SLAMF8: variants seen among roughly 807,000 people sequenced by gnomAD.
SLAMF8 encodes the protein SLAM family member 8.
In SLAMF8, 23 loss-of-function variants were observed where a neutral mutation model predicts 29.0. That is an observed-to-expected ratio of 0.79 (90% confidence interval 0.57 to 1.13). SLAMF8 has a LOEUF of 1.13. Among genes scored for constraint, SLAMF8 ranks in the 50% most tolerant of loss-of-function variants. The pLI, the probability that SLAMF8 is intolerant of heterozygous loss-of-function variation, is 0.00. For synonymous variants in SLAMF8, 139 were observed against 145.6 expected (o/e 0.96, Z 0.32); for missense variants, 381 against 353.1 (o/e 1.08, Z -0.63).
intron 2 of SLAMF8, among the ~76,000 whole-genome samples, chr1:159,830,783 AG>A (rs1316564041): frequency 6.6e-6 from 1 of 152,244 alleles, no homozygotes; most frequent in Non-Finnish European, 1.5e-5. Context: ...ATTTCTTAAA[AG>A]GGCTTCTTAG....
Position 159,835,503 on chromosome 1 carries a change from T to A in SLAMF8, c.*243T>A, listed in dbSNP as rs1377552596. ...TATCCTGGCTCTTCTCTGGGCAAGA[T>A]GAGCCAAGCAGAACATTCCATCCAG... On this transcript the variant is annotated 3_prime_UTR_variant, in exon 5 of 5. Transcript: ENST00000289707. 2 of 1,288,164 alleles carry A rather than the reference T, an allele frequency of 1.6e-6. No homozygotes were observed. The highest frequency in any genetic ancestry group is 2.0e-6 in the Non-Finnish European group (2 of 1,017,756). The allele number at this position is 1,288,164 out of a possible 1,614,324, so 79.8% of individuals were successfully genotyped here.
Position 159,836,110 on chromosome 1 carries a change from C to T in SLAMF8, c.*850C>T. The T allele has an allele frequency of 1.0e-6, 1 of 985,470 alleles. No individual in the cohort carries two copies. Among genetic ancestry groups the T allele is most frequent in the Non-Finnish European group, 1.2e-6 (1 of 829,950 alleles). The allele number at this position is 985,470 out of a possible 1,614,324, so 61.0% of individuals were successfully genotyped here. Reference sequence around the variant, plus strand: ...CAGCCAACAGGACGTTCTTGCACAACTTCAAGAAAAGCAGCTCAGCTCAGG... The same window carrying T: ...CAGCCAACAGGACGTTCTTGCACAATTTCAAGAAAAGCAGCTCAGCTCAGG... On this transcript the variant is annotated 3_prime_UTR_variant, in exon 5 of 5. Transcript: ENST00000289707.
Position 159,833,385 on chromosome 1 carries a change from G to C in SLAMF8, c.781+16G>C. On this transcript the variant is annotated intron_variant, in intron 4 of 4. Transcript: ENST00000289707. ...CCCTGCTCAGGTAGGAGTCCTGCAG[G>C]TGCAGGAGGTAGGTGGAGGAAGTGG... 6.2e-7 allele frequency: 1 copy of C among 1,613,902 alleles called. No individual in the cohort carries two copies. The highest frequency in any genetic ancestry group is 8.5e-7 in the Non-Finnish European group (1 of 1,179,920).
chr1:159,828,544 G>A (rs1482971956), intron 1 of SLAMF8, among the ~76,000 whole-genome samples: 1 of 152,128 alleles, frequency 6.6e-6, no homozygotes, highest in Non-Finnish European at 1.5e-5. Context: ...TCCTCAGCAG[G>A]GTAGGTCATT....
chr1:159,835,296 C>A lies in SLAMF8; in HGVS notation c.*36C>A, dbSNP rs149303739. On this transcript the variant is annotated 3_prime_UTR_variant, in exon 5 of 5. Coordinates refer to ENST00000289707, the MANE Select transcript of SLAMF8 (RefSeq NM_020125.3). ...GAACTGATGCCTGGACTATCAGTAA[C>A]CCCACTGCACAGGCACACGATGCTC... The A allele has an allele frequency of 3.1e-6, 5 of 1,603,132 alleles. No homozygotes were observed. The highest frequency in any genetic ancestry group is 3.4e-6 in the Non-Finnish European group (4 of 1,176,550).
chr1:159,835,542 C>T lies in SLAMF8; in HGVS notation c.*282C>T, dbSNP rs1411485903. On this transcript the variant is annotated 3_prime_UTR_variant, in exon 5 of 5. Coordinates refer to ENST00000289707, the MANE Select transcript of SLAMF8 (RefSeq NM_020125.3). ...CATTCCATCCAGGACACTGGAAGTT[C>T]TCCAGGATCCAGATCCATGGGGACA... 24 of 1,191,050 alleles carry T rather than the reference C, an allele frequency of 2.0e-5. No homozygotes were observed. Among genetic ancestry groups the T allele is most frequent in the Non-Finnish European group, 2.5e-5 (24 of 959,550 alleles). The allele number at this position is 1,191,050 out of a possible 1,614,324, so 73.8% of individuals were successfully genotyped here. A position where few individuals can be genotyped will look rare whatever the true frequency, so the allele number is the denominator to read the frequency against.
intron 1 of SLAMF8, 131 bp downstream of exon 1, chr1:159,827,069 C>T: frequency 9.4e-7 from 1 of 1,060,210 alleles, no homozygotes; most frequent in Non-Finnish European, 1.4e-6. Context: ...GTAGGAAAGA[C>T]TAGAACAAGC....
In SLAMF8 at chr1:159,829,902, T is replaced by C; in HGVS notation, c.77T>C (p.Leu26Pro). The change falls in exon 2 of 5, where the codon CTG (leucine) becomes CCG (proline). Residue 26 changes from leucine to proline, a missense_variant. Transcript: ENST00000289707. ...ATTACAGTTACTGGTGCCCAAGTGC[T>C]GAGCAAAGTCGGGGGCTCGGTGCTG... is the stretch of plus-strand genomic sequence containing the variant. ...LPITVTGAQV[L>P]SKVGGSVLLV... 6.2e-7 allele frequency: 1 copy of C among 1,613,848 alleles called. No homozygotes were observed. Among genetic ancestry groups the C allele is most frequent in the Non-Finnish European group, 8.5e-7 (1 of 1,179,836 alleles).
Position 159,833,337 on chromosome 1 carries a change from T to C in SLAMF8, c.749T>C (p.Leu250Pro). 6.2e-7 allele frequency: 1 copy of C among 1,614,176 alleles called. No individual in the cohort carries two copies. Residue 250 changes from leucine (L) to proline (P), a missense_variant, in exon 4 of 5, where the codon CTC becomes CCC. By Grantham distance (98) the Leu-to-Pro change is moderately conservative (BLOSUM62 -3). Transcript: ENST00000289707. ...TCGCTGCTCCTGATGCTGGTTACTC[T>C]CTTCTCTGCCTGGCACTGGTGCCCC... Reference protein sequence around the residue: ...PVSLLLMLVTLFSAWHWCPCS... With the variant: ...PVSLLLMLVTPFSAWHWCPCS...
Position 159,836,340 on chromosome 1 carries a change from C to CTA in SLAMF8, c.*1080_*1081insTA. On this transcript the variant is annotated 3_prime_UTR_variant, in exon 5 of 5. Transcript: ENST00000289707. ...CAGGACTGTAGAGGTCACTCTGACT[C>CTA]CATCAAACTTTTTATTGTGGCCATC... The CTA allele has an allele frequency of 1.0e-6, 1 of 984,944 alleles. No individual in the cohort carries two copies. Among genetic ancestry groups the CTA allele is most frequent in the Admixed American group, 6.1e-5 (1 of 16,292 alleles). The allele number at this position is 984,944 out of a possible 1,614,324, so 61.0% of individuals were successfully genotyped here.
In SLAMF8 at chr1:159,829,997, G is replaced by A; in HGVS notation, c.172G>A (p.Glu58Lys). 1.9e-6 allele frequency: 3 copies of A among 1,614,214 alleles called. No homozygotes were observed. Among genetic ancestry groups the A allele is most frequent in the Non-Finnish European group, 2.5e-6 (3 of 1,180,036 alleles). Reference protein sequence around the residue: ...AIWRSLWPSEELLATFFRGSL... With the variant: ...AIWRSLWPSEKLLATFFRGSL... ...CTGGCGATCTCTCTGGCCTTCAGAAGAGCTCCTGGCCACGTTTTTCCGAGG... is the reference window on the plus strand; with the variant it reads ...CTGGCGATCTCTCTGGCCTTCAGAAAAGCTCCTGGCCACGTTTTTCCGAGG... Residue 58 changes from glutamate (E) to lysine (K), a missense_variant, in exon 2 of 5, where the codon GAG (glutamate) becomes AAG (lysine). Transcript: ENST00000289707.
chr1:159,826,965 C>G, intron 1 of SLAMF8, 27 bp downstream of exon 1: 2 of 1,613,870 alleles, frequency 1.2e-6, no homozygotes, highest in Non-Finnish European at 1.7e-6. Flanking sequence ...GATAGCCTGT[C>G]CTCGGAGAGC....
Position 159,829,870 on chromosome 1 carries a change from A to G in SLAMF8, c.45A>G (p.Leu15=). 1 of 1,604,142 alleles carries G rather than the reference A, an allele frequency of 6.2e-7. No homozygotes were observed. The change falls in exon 2 of 5, where the codon CTA becomes CTG. Residue 15 remains leucine, a synonymous_variant. Transcript: ENST00000289707. ...PLWSLLLWEA[L]LPITVTGAQV... ...CCAGGGGCTCTGTTCTTTCAGCCCT[A>G]CTTCCCATTACAGTTACTGGTGCCC... is the stretch of plus-strand genomic sequence containing the variant.
At chr1:159,832,596 T>G (rs759186988) in intron 2 of SLAMF8, among the ~76,000 whole-genome samples, 4 of 152,246 alleles carry the variant, frequency 2.6e-5, no homozygotes, top group Non-Finnish European at 5.9e-5. Context: ...TTCAAGAGCA[T>G]GACATGTTTG....
At chr1:159,829,160 T>C (rs1464543764) in intron 1 of SLAMF8, among the ~76,000 whole-genome samples, 3 of 152,208 alleles carry the variant, frequency 2.0e-5, no homozygotes, top group Admixed American at 6.5e-5. Context: ...TGGACTAACA[T>C]GAACAGCCTA....
chr1:159,829,809 C>CG lies in SLAMF8; in HGVS notation c.41-57_41-56insG, dbSNP rs1553214146. On this transcript the variant is annotated intron_variant, in intron 1 of 4. Coordinates refer to ENST00000289707, the MANE Select transcript of SLAMF8 (RefSeq NM_020125.3). ...CACCCTATAGCAGCTCAGATGCATG[C>CG]AAAGAAGGATGAGGAGTGTGGGGCA... 92 of 1,530,946 alleles carry CG rather than the reference C, an allele frequency of 6.0e-5. 1 individual carries two copies. Among genetic ancestry groups the CG allele is most frequent in the Non-Finnish European group, 6.8e-5 (77 of 1,137,740 alleles). The allele number at this position is 1,530,946 out of a possible 1,614,324, so 94.8% of individuals were successfully genotyped here. A position where few individuals can be genotyped will look rare whatever the true frequency, so the allele number is the denominator to read the frequency against.
At position 159,836,959 on chromosome 1, in the gene SLAMF8, T is replaced by C. The variant is rs1647989142; in HGVS notation, c.*1699T>C. On this transcript the variant is annotated 3_prime_UTR_variant, in exon 5 of 5. Transcript: ENST00000289707. ...GGCCACATGCCTGGTCACTGAATCA[T>C]GCAAAACTGGCCTCAGTCCCTAAAA... 1 of 985,470 alleles carries C rather than the reference T, an allele frequency of 1.0e-6. No individual in the cohort carries two copies. The highest frequency in any genetic ancestry group is 1.2e-6 in the Non-Finnish European group (1 of 829,980). 61.0% of individuals were successfully genotyped at this position (985,470 alleles called of 1,614,324 possible). A position where few individuals can be genotyped will look rare whatever the true frequency, so the allele number is the denominator to read the frequency against.
chr1:159,827,767 A>G (rs114836678), intron 1 of SLAMF8, among the ~76,000 whole-genome samples: 205 of 152,112 alleles, frequency 1.3e-3, no homozygotes, highest in African/African-American at 4.5e-3. Flanking sequence ...ATTTCTAAAC[A>G]TGTGCAGGAA....
rs1372416747 is a variant in SLAMF8, at chr1:159,835,283, G to C, written c.*23G>C. ...TAAAGGACAATATGAACTGATGCCT[G>C]GACTATCAGTAACCCCACTGCACAG... On this transcript the variant is annotated 3_prime_UTR_variant, in exon 5 of 5. Transcript: ENST00000289707. 1.2e-6 allele frequency: 2 copies of C among 1,610,130 alleles called. No individual in the cohort carries two copies. The highest frequency in any genetic ancestry group is 1.7e-6 in the Non-Finnish European group (2 of 1,178,790).
Sources: gnomAD v4.1 joint callset for allele counts (sites outside exome capture counted in the v4.1 genomes callset) on GRCh38, gnomAD v4.1.1 for gene constraint, MANE v1.5 for transcripts, NCBI Gene and HGNC (gene_info 2026-07-23, HGNC 2026-07-21) for gene names.